Variants in NGLY1 observed in about 807,000 individuals in gnomAD.
The protein encoded by NGLY1 is peptide-N(4)-(N-acetyl-beta-glucosaminyl)asparagine amidase.
A neutral mutation model predicts 84.6 loss-of-function variants in NGLY1; 68 were observed. The ratio of observed to expected loss-of-function variants is 0.80; its 90% CI spans 0.66 to 0.98. The LOEUF (loss-of-function observed/expected upper bound fraction) is 0.98, where lower values mean the gene tolerates loss of function less well. NGLY1 is among the 50% of genes least tolerant of loss of function. The pLI, the probability that NGLY1 is intolerant of heterozygous loss-of-function variation, is 0.00. For synonymous variants in NGLY1, 280 were observed against 275.2 expected (o/e 1.02, Z -0.17); for missense variants, 779 against 770.2 (o/e 1.01, Z -0.14).
rs1026317463 is a variant in NGLY1 at position 25,761,077 on chromosome 3, A to G, written c.492+2989T>C. Among the ~76,000 whole-genome samples the G allele has an allele frequency of 3.9e-5, 6 of 152,234 alleles. No homozygotes were observed. In the East Asian group the frequency reaches 1.2e-3, roughly 29 times the overall value. On this transcript the variant is annotated intron_variant, in intron 3 of 11. Coordinates refer to ENST00000280700, the MANE Select transcript of NGLY1 (RefSeq NM_018297.4). ...CAATGAAATAATCACAAATTATGAT[A>G]ATTGGTTTAAATAAACACATACCCA...
chr3:25,783,609 G>A, upstream of NGLY1: 1 of 357,632 alleles, frequency 2.8e-6, no homozygotes. This position sits in a 1 kb window ranked among gnomAD's most constrained non-coding sequence, Gnocchi z 4.5. Context: ...GGCGGGGTCG[G>A]GGGCCTGGGG....
At chr3:25,730,730 T>C (rs890518191) in intron 9 of NGLY1, among the ~76,000 whole-genome samples, 9 of 152,164 alleles carry the variant, frequency 5.9e-5, no homozygotes, top group African/African-American at 2.2e-4. Flanking sequence ...TAAAATTTAT[T>C]AGTGATAATT....
chr3:25,734,922 T>TA, intron 7 of NGLY1: 1 of 743,940 alleles, frequency 1.3e-6, no homozygotes, highest in Non-Finnish European at 1.6e-6. Flanking sequence ...TTTATTGTAT[T>TA]AGATTTATAT....
chr3:25,722,582 C>A (rs1185249724), intron 10 of NGLY1, among the ~76,000 whole-genome samples: 1 of 152,156 alleles, frequency 6.6e-6, no homozygotes, highest in Non-Finnish European at 1.5e-5. Flanking sequence ...ACTGAACAAT[C>A]ACTCTCCAAA....
exon 1 of NGLY1, chr3:25,789,956 C>T (rs1575675456): frequency 6.7e-7 from 1 of 1,491,480 alleles, no homozygotes; most frequent in Admixed American, 2.0e-5. Flanking sequence ...CAGCCGCCTC[C>T]CACGGTCTGA....
intron 2 of NGLY1, among the ~76,000 whole-genome samples, chr3:25,765,881 G>A (rs1199255086): frequency 3.3e-5 from 5 of 151,904 alleles, no homozygotes; most frequent in Admixed American, 6.6e-5. Context: ...ACAGGTGCAT[G>A]CCACCACACC....
intron 2 of NGLY1, among the ~76,000 whole-genome samples, chr3:25,769,198 A>C (rs367896266): frequency 8.5e-5 from 13 of 152,126 alleles, no homozygotes; most frequent in Admixed American, 7.2e-4. Flanking sequence ...ATCTCTACTA[A>C]AAATACAAAA....
chr3:25,719,379 G>A lies in NGLY1; in HGVS notation c.*81C>T. Reference sequence around the variant, plus strand: ...AATATGCTAGCACAGGGTGGTAACTGCCAACTAAGCATGCACTGAACCAAC... The same window carrying A: ...AATATGCTAGCACAGGGTGGTAACTACCAACTAAGCATGCACTGAACCAAC... On this transcript the variant is annotated 3_prime_UTR_variant, in exon 12 of 12. Transcript: ENST00000280700. The A allele has an allele frequency of 5.0e-6, 6 of 1,195,576 alleles. No individual in the cohort carries two copies. Among genetic ancestry groups the A allele is most frequent in the Non-Finnish European group, 7.2e-6 (6 of 834,214 alleles). 74.1% of individuals were successfully genotyped at this position (1,195,576 alleles called of 1,614,324 possible).
In NGLY1 at chr3:25,719,603, C is replaced by T; in HGVS notation, c.1822G>A (p.Gly608Ser). The change falls in exon 12 of 12, where the codon GGT becomes AGT. Residue 608 changes from glycine (G) to serine (S), a missense_variant. Coordinates refer to ENST00000280700, the MANE Select transcript of NGLY1 (RefSeq NM_018297.4). ...GCTTCCAAAATAACTTCAGTGGCACCAGAAAAATCAGCATAGGAGTGAAGA... is the reference window on the plus strand; with the variant it reads ...GCTTCCAAAATAACTTCAGTGGCACTAGAAAAATCAGCATAGGAGTGAAGA... Reference protein sequence around the residue: ...NSLHSYADFSGATEVILEAEL... With the variant: ...NSLHSYADFSSATEVILEAEL... 6.2e-7 allele frequency: 1 copy of T among 1,613,260 alleles called. No homozygotes were observed. Among genetic ancestry groups the T allele is most frequent in the Non-Finnish European group, 8.5e-7 (1 of 1,179,602 alleles).
At chr3:25,748,356 A>G (rs933123657) in intron 4 of NGLY1, among the ~76,000 whole-genome samples, 2 of 152,192 alleles carry the variant, frequency 1.3e-5, no homozygotes, top group African/African-American at 4.8e-5. Context: ...GTTCTTAGGG[A>G]AGCCTAAAGA....
intron 6 of NGLY1, chr3:25,736,636 G>A (rs1443015695): frequency 1.1e-5 from 4 of 371,434 alleles, no homozygotes; most frequent in African/African-American, 2.1e-5. Context: ...GGAAACACAA[G>A]GAAAACAACT....
intron 3 of NGLY1, among the ~76,000 whole-genome samples, chr3:25,759,078 C>T (rs1707179459): frequency 6.6e-6 from 1 of 152,126 alleles, no homozygotes; most frequent in African/African-American, 2.4e-5. Context: ...TAGGAAGATT[C>T]CCCAAGAAAA....
At chr3:25,751,983 T>A (rs1035488266) in intron 3 of NGLY1, among the ~76,000 whole-genome samples, 2 of 152,184 alleles carry the variant, frequency 1.3e-5, no homozygotes, top group Non-Finnish European at 2.9e-5. Flanking sequence ...GTGCAACATG[T>A]ACTGCCCTTC....
intron 6 of NGLY1, chr3:25,736,374 G>A: frequency 6.4e-7 from 1 of 1,551,384 alleles, no homozygotes; most frequent in Non-Finnish European, 8.7e-7. Flanking sequence ...AACGTGGTCA[G>A]TTTTAGGCTT....
At chr3:25,759,198 C>T (rs951894487) in intron 3 of NGLY1, among the ~76,000 whole-genome samples, 11 of 151,964 alleles carry the variant, frequency 7.2e-5, no homozygotes, top group African/African-American at 2.2e-4. Context: ...GACACATTGC[C>T]TCCATTACAG....
At chr3:25,723,936 T>G (rs374546352) in intron 10 of NGLY1, among the ~76,000 whole-genome samples, 19 of 152,316 alleles carry the variant, frequency 1.2e-4, no homozygotes, top group South Asian at 1.0e-3. Context: ...CCATCCTTGC[T>G]CCTTGTTGTA....
At chr3:25,782,977 GC>G in intron 1 of NGLY1, 1 of 379,686 alleles carries the variant, frequency 2.6e-6, no homozygotes, top group Non-Finnish European at 4.8e-6. Context: ...CCTCCGCCCG[GC>G]CCCGCTTCCG....
intron 10 of NGLY1, among the ~76,000 whole-genome samples, chr3:25,720,918 G>A (rs918911858): frequency 1.6e-4 from 24 of 151,844 alleles, no homozygotes; most frequent in South Asian, 2.1e-4. Context: ...CGCTTCAGTC[G>A]TTCATCCCTT....
intron 10 of NGLY1, among the ~76,000 whole-genome samples, chr3:25,727,217 T>G (rs1705309837): frequency 6.6e-6 from 1 of 152,234 alleles, no homozygotes; most frequent in Non-Finnish European, 1.5e-5. Flanking sequence ...CATTTGATAC[T>G]AAATACATGT....
Sources: allele counts gnomAD v4.1 joint callset (sites outside exome capture counted in the v4.1 genomes callset), GRCh38; gene constraint gnomAD v4.1.1; non-coding constraint Gnocchi (gnomAD v3.1); transcripts MANE v1.5; gene names NCBI Gene and HGNC (gene_info 2026-07-23, HGNC 2026-07-21).